ADAMTS3: variants seen among roughly 807,000 people sequenced by gnomAD.
The protein encoded by ADAMTS3 is A disintegrin and metalloproteinase with thrombospondin motifs 3.
Under a neutral mutation model 129.0 loss-of-function variants are expected in ADAMTS3, and 73 were observed. The ratio of observed to expected loss-of-function variants is 0.57; its 90% CI spans 0.47 to 0.69. The LOEUF is 0.69. ADAMTS3 is among the 30% of genes least tolerant of loss of function. The pLI is 0.00. For missense variants in ADAMTS3, 1,457 were observed against 1,514.5 expected, an observed-to-expected ratio of 0.96 and a Z score of 0.63; for synonymous variants, 477 against 510.8, an observed-to-expected ratio of 0.93 and a Z score of 0.89.
At chr4:72,456,021 A>ATATATTTTACATATAGTATATATAC (rs1553916131) in intron 3 of ADAMTS3, among the ~76,000 whole-genome samples, 7 of 55,862 alleles carry the variant, frequency 1.3e-4, no homozygotes, top group African/African-American at 5.7e-4. Context: ...TATATACTAT[A>ATATATTTTACATATAGTATATATAC]TATATATTTT....
At chr4:72,476,502 G>A (rs1393762959) in intron 3 of ADAMTS3, among the ~76,000 whole-genome samples, 1 of 152,050 alleles carries the variant, frequency 6.6e-6, no homozygotes, top group Non-Finnish European at 1.5e-5. Context: ...GGAATGTCCA[G>A]GCCCAGATGG....
chr4:72,544,708 C>A (rs1205964494), intron 3 of ADAMTS3, among the ~76,000 whole-genome samples: 1 of 152,140 alleles, frequency 6.6e-6, no homozygotes, highest in Non-Finnish European at 1.5e-5. Context: ...TAAAGCATTT[C>A]TTTATTATCT....
At chr4:72,460,548 T>G (rs1194778287) in intron 3 of ADAMTS3, among the ~76,000 whole-genome samples, 5 of 151,500 alleles carry the variant, frequency 3.3e-5, no homozygotes, top group African/African-American at 1.2e-4. Context: ...ATAAAATGCA[T>G]AATTTATTTT....
At chr4:72,414,466 A>C (rs536362065) in intron 4 of ADAMTS3, among the ~76,000 whole-genome samples, 1 of 152,122 alleles carries the variant, frequency 6.6e-6, no homozygotes, top group East Asian at 1.9e-4. Context: ...ATCCTTTAAA[A>C]GGTTTAAAAT....
chr4:72,368,883 AT>A (rs1405560342), intron 4 of ADAMTS3, among the ~76,000 whole-genome samples: 1 of 152,174 alleles, frequency 6.6e-6, no homozygotes, highest in Non-Finnish European at 1.5e-5. Context: ...CAAAGGTATT[AT>A]TTCCCCCCTT....
chr4:72,567,493 G>T (rs1337763506), intron 1 of ADAMTS3, 92 bp from the exon 2 acceptor site: 2 of 1,310,958 alleles, frequency 1.5e-6, no homozygotes, highest in African/African-American at 1.5e-5. Flanking sequence ...TGGTTTCCAA[G>T]AGCTAACTAA....
intron 3 of ADAMTS3, among the ~76,000 whole-genome samples, chr4:72,465,105 G>T (rs1452811855): frequency 6.6e-6 from 1 of 151,960 alleles, no homozygotes; most frequent in Non-Finnish European, 1.5e-5. Context: ...CTTAGTTAGT[G>T]ACAACTATGA....
chr4:72,405,627 T>A (rs1250331718), intron 4 of ADAMTS3, among the ~76,000 whole-genome samples: 1 of 152,116 alleles, frequency 6.6e-6, no homozygotes, highest in Non-Finnish European at 1.5e-5. Context: ...TAAGTCTTAG[T>A]CATTAGTCTG....
chr4:72,435,467 A>T (rs1227935262), intron 3 of ADAMTS3, among the ~76,000 whole-genome samples: 7 of 151,886 alleles, frequency 4.6e-5, no homozygotes, highest in East Asian at 1.9e-4. Context: ...GTATTTTTTT[A>T]AAAAACCCTG....
At chr4:72,340,924 T>A (rs757677291) in intron 4 of ADAMTS3, among the ~76,000 whole-genome samples, 23 of 152,330 alleles carry the variant, frequency 1.5e-4, no homozygotes, top group Non-Finnish European at 3.1e-4. Flanking sequence ...GCTGCCTTGA[T>A]GTCTAAAACA....
chr4:72,328,688 G>A (rs1179822227), intron 5 of ADAMTS3, among the ~76,000 whole-genome samples: 27 of 97,772 alleles, frequency 2.8e-4, no homozygotes, highest in Non-Finnish European at 6.4e-5. Flanking sequence ...CTTGGCCCTT[G>A]CAAATATAAA....
chr4:72,501,524 C>A (rs536816474), intron 3 of ADAMTS3, among the ~76,000 whole-genome samples: 1 of 152,138 alleles, frequency 6.6e-6, no homozygotes, highest in East Asian at 1.9e-4. Context: ...TTGACAGAGT[C>A]TTTAGGGTTT....
intron 3 of ADAMTS3, among the ~76,000 whole-genome samples, chr4:72,516,840 C>A (rs1432405765): frequency 1.3e-5 from 2 of 151,906 alleles, no homozygotes; most frequent in African/African-American, 4.8e-5. Context: ...CCTTCTCCTG[C>A]CTAATTGCCC....
chr4:72,428,057 G>T (rs1722613836), intron 3 of ADAMTS3, among the ~76,000 whole-genome samples: 1 of 151,946 alleles, frequency 6.6e-6, no homozygotes, highest in Admixed American at 6.6e-5. Context: ...AAAACATTAT[G>T]GGTACTGTGG....
intron 3 of ADAMTS3, among the ~76,000 whole-genome samples, chr4:72,491,766 G>A (rs1341850636): frequency 6.6e-6 from 1 of 151,668 alleles, no homozygotes; most frequent in Non-Finnish European, 1.5e-5. Flanking sequence ...TTAGTAGCAG[G>A]GAGATGCTGG....
intron 4 of ADAMTS3, among the ~76,000 whole-genome samples, 168 bp from the exon 5 acceptor site, chr4:72,339,861 C>T (rs146165010): frequency 1.7e-4 from 26 of 152,274 alleles, no homozygotes; most frequent in African/African-American, 6.3e-4. Context: ...TACGATCAGA[C>T]AGACCTGCTA....
intron 2 of ADAMTS3, among the ~76,000 whole-genome samples, chr4:72,559,146 C>T (rs1721840174): frequency 6.6e-6 from 1 of 151,764 alleles, no homozygotes; most frequent in African/African-American, 2.4e-5. Context: ...ATCATTTGAA[C>T]TCTAGATCCA....
At chr4:72,312,560 T>G (rs1719271480) in intron 12 of ADAMTS3, 94 bp from the exon 13 acceptor site, 1 of 1,245,826 alleles carries the variant, frequency 8.0e-7, no homozygotes, top group South Asian at 1.5e-5. Flanking sequence ...AGCCAAAGTT[T>G]CTGGGCTGCC....
intron 3 of ADAMTS3, among the ~76,000 whole-genome samples, chr4:72,514,607 C>G (rs939289731): frequency 6.6e-6 from 1 of 152,118 alleles, no homozygotes; most frequent in African/African-American, 2.4e-5. Flanking sequence ...ATTCTTCTGC[C>G]TAGACTCATC....
Sources: allele counts gnomAD v4.1 joint callset (sites outside exome capture counted in the v4.1 genomes callset), GRCh38; gene constraint gnomAD v4.1.1; transcripts MANE v1.5; gene names NCBI Gene and HGNC (gene_info 2026-07-23, HGNC 2026-07-21).